AAGAB: variants seen among roughly 807,000 people sequenced by gnomAD.
AAGAB encodes the protein alpha and gamma adaptin binding protein.
AAGAB carries 38 observed loss-of-function variants against 44.1 expected under a neutral mutation model. The ratio of observed to expected loss-of-function variants is 0.86; its 90% confidence interval spans 0.67 to 1.13. The LOEUF (loss-of-function observed/expected upper bound fraction) is 1.13, where lower values mean the gene tolerates loss of function less well. Among genes scored for constraint, AAGAB ranks in the 50% most tolerant of loss-of-function variants. The pLI is 0.00. For synonymous variants in AAGAB, 131 were observed against 131.8 expected, an observed-to-expected ratio of 0.99 and a Z score of 0.04; for missense variants, 450 against 373.8, an observed-to-expected ratio of 1.20 and a Z score of -1.68.
intron 4 of AAGAB, among the ~76,000 whole-genome samples, chr15:67,233,223 G>A (rs1434517426): frequency 6.6e-6 from 1 of 152,212 alleles, no homozygotes; most frequent in East Asian, 1.9e-4. Context: ...CTTGATCAGA[G>A]AAAGATAGTT....
chr15:67,234,112 G>T (rs892851419), intron 4 of AAGAB, among the ~76,000 whole-genome samples: 3 of 150,038 alleles, frequency 2.0e-5, no homozygotes, highest in African/African-American at 7.3e-5. Context: ...AATTACCCAG[G>T]CGTGGTGGCG....
intron 1 of AAGAB, 151 bp downstream of exon 1, chr15:67,254,408 A>G: frequency 7.0e-7 from 1 of 1,429,236 alleles, no homozygotes; most frequent in Non-Finnish European, 9.2e-7. Flanking sequence ...AGATAGGGGC[A>G]GCCACCTGGG....
chr15:67,219,611 G>A (rs1315950706), intron 5 of AAGAB, among the ~76,000 whole-genome samples: 1 of 152,022 alleles, frequency 6.6e-6, no homozygotes, highest in African/African-American at 2.4e-5. Context: ...TAAACACTGA[G>A]TGCACATGGA....
chr15:67,213,195 T>C (rs1334679070), intron 5 of AAGAB, among the ~76,000 whole-genome samples: 1 of 152,160 alleles, frequency 6.6e-6, no homozygotes, highest in Non-Finnish European at 1.5e-5. Flanking sequence ...TCTAGTAAGT[T>C]GACACCAGTG....
rs1567026944 is a variant in AAGAB at position 67,236,013 on chromosome 15, T to G, written c.417A>C (p.Val139=). The G allele has an allele frequency of 1.2e-6, 2 of 1,613,630 alleles. No individual in the cohort carries two copies. Among genetic ancestry groups the G allele is most frequent in the Non-Finnish European group, 1.7e-6 (2 of 1,179,758 alleles). ...EWCIKHGFEL[V]ELSPEELPEE... ...CAGGCAACTCCTCTGGACTAAGTTC[T>G]ACCAATTCAAAGCCATGTTTGATGC... The change falls in exon 4 of 10, where the codon GTA becomes GTC. Residue 139 remains valine, a synonymous_variant. Coordinates refer to ENST00000261880, the MANE Select transcript of AAGAB (RefSeq NM_024666.5).
chr15:67,221,644 A>G (rs1964066632), intron 5 of AAGAB, among the ~76,000 whole-genome samples: 2 of 152,210 alleles, frequency 1.3e-5, no homozygotes, highest in Non-Finnish European at 2.9e-5. Flanking sequence ...CAGGCAATCA[A>G]CGTCTTCAGA....
At chr15:67,236,909 A>AT in intron 1 of AAGAB, 89 bp from the exon 2 acceptor site, 7 of 1,054,310 alleles carry the variant, frequency 6.6e-6, no homozygotes, top group Non-Finnish European at 9.3e-6. Context: ...TAAAGCTGGT[A>AT]CTTTTGCTGT....
At chr15:67,232,221 C>G (rs926304194) in intron 4 of AAGAB, among the ~76,000 whole-genome samples, 2 of 148,442 alleles carry the variant, frequency 1.3e-5, no homozygotes, top group African/African-American at 4.9e-5. Flanking sequence ...ACCATTCCAG[C>G]CTGGGCAACA....
intron 5 of AAGAB, among the ~76,000 whole-genome samples, chr15:67,211,866 C>G (rs1963827952): frequency 6.7e-6 from 1 of 149,938 alleles, no homozygotes; most frequent in Non-Finnish European, 1.5e-5. Context: ...CCAAAGCAGT[C>G]TATTTGAAAT....
intron 1 of AAGAB, among the ~76,000 whole-genome samples, chr15:67,237,453 A>G (rs1439877781): frequency 6.6e-6 from 1 of 152,220 alleles, no homozygotes; most frequent in African/African-American, 2.4e-5. Context: ...TAAATGTGTA[A>G]TAGCCAAGCA....
chr15:67,204,113 T>C lies in AAGAB; in HGVS notation c.751A>G (p.Ser251Gly). The C allele has an allele frequency of 6.2e-7, 1 of 1,612,054 alleles. No homozygotes were observed. Among genetic ancestry groups the C allele is most frequent in the Non-Finnish European group, 8.5e-7 (1 of 1,178,452 alleles). ...MLDLDIQELA[S>G]LTTGGGDVEN... ...ACATCTCCTCCTCCAGTGGTAAGAC[T>C]GGCTAATTCTTGAATATCCAGATCT... is the stretch of plus-strand genomic sequence containing the variant. The change falls in exon 8 of 10, where the codon AGT (serine) becomes GGT (glycine). Residue 251 changes from serine to glycine, a missense_variant. Coordinates refer to ENST00000261880, the MANE Select transcript of AAGAB (RefSeq NM_024666.5).
chr15:67,245,076 C>T (rs1199834303), intron 1 of AAGAB, among the ~76,000 whole-genome samples: 9 of 152,060 alleles, frequency 5.9e-5, no homozygotes. Context: ...ATGGTGCAGC[C>T]ACTCTGGAAG....
chr15:67,208,031 T>C (rs528416380), intron 7 of AAGAB, among the ~76,000 whole-genome samples: 1 of 152,354 alleles, frequency 6.6e-6, no homozygotes, highest in Non-Finnish European at 1.5e-5. Flanking sequence ...TATTGTCAAG[T>C]AAGCTCCTTG....
chr15:67,236,706 A>G lies in AAGAB; in HGVS notation c.188T>C (p.Val63Ala). Residue 63 changes from valine to alanine, a missense_variant, in exon 2 of 10, where the codon GTG (valine) becomes GCG (alanine). Physicochemically the swap from Val to Ala is moderately conservative, Grantham distance 64 (BLOSUM62 0). Coordinates refer to ENST00000261880, the MANE Select transcript of AAGAB (RefSeq NM_024666.5). ...YYSADINLCV[V>A]PNKFLVTAEI... ...TGCAGTAACAAGAAATTTGTTTGGCACCACACATAGATTGATGTCTGCTGA... is the reference window on the plus strand; with the variant it reads ...TGCAGTAACAAGAAATTTGTTTGGCGCCACACATAGATTGATGTCTGCTGA... 6.2e-7 allele frequency: 1 copy of G among 1,614,092 alleles called. No homozygotes were observed.
At chr15:67,249,583 T>C (rs1964813694) in intron 1 of AAGAB, among the ~76,000 whole-genome samples, 1 of 151,474 alleles carries the variant, frequency 6.6e-6, no homozygotes, top group Non-Finnish European at 1.5e-5. Flanking sequence ...ATGGCAACAA[T>C]TTTTTTCCCC....
At chr15:67,228,045 G>A (rs1477902723) in intron 5 of AAGAB, among the ~76,000 whole-genome samples, 1 of 152,158 alleles carries the variant, frequency 6.6e-6, no homozygotes, top group Non-Finnish European at 1.5e-5. Flanking sequence ...ATATTGTTTA[G>A]TGTCTAAAAC....
chr15:67,236,238 T>TA (rs35008448), intron 3 of AAGAB, among the ~76,000 whole-genome samples, 170 bp from the exon 4 acceptor site: 2 of 151,440 alleles, frequency 1.3e-5, no homozygotes, highest in Admixed American at 6.6e-5. Flanking sequence ...TATCCATTCT[T>TA]AAAAAAAAAG....
At chr15:67,252,700 G>A (rs925585090) in intron 1 of AAGAB, among the ~76,000 whole-genome samples, 5 of 152,120 alleles carry the variant, frequency 3.3e-5, no homozygotes, top group Non-Finnish European at 7.4e-5. Context: ...GGAGAAAATA[G>A]GAAGGAGCAC....
chr15:67,221,924 C>T (rs564397574), intron 5 of AAGAB, among the ~76,000 whole-genome samples: 11 of 152,254 alleles, frequency 7.2e-5, no homozygotes, highest in South Asian at 2.1e-4. Flanking sequence ...CATACCCAGA[C>T]CTTATTATTA....
Sources: gnomAD v4.1 joint callset for allele counts (sites outside exome capture counted in the v4.1 genomes callset) on GRCh38, gnomAD v4.1.1 for gene constraint, MANE v1.5 for transcripts, NCBI Gene and HGNC (gene_info 2026-07-23, HGNC 2026-07-21) for gene names.